Variants in RNF212B observed in about 807,000 individuals in gnomAD.
RNF212B encodes E3 ubiquitin-protein ligase RNF212B.
In RNF212B, 52 loss-of-function variants were observed where a neutral mutation model predicts 55.5. The observed-to-expected ratio is 0.94, with a 90% CI of 0.75 to 1.18. The LOEUF (loss-of-function observed/expected upper bound fraction) is 1.18, where lower values mean the gene tolerates loss of function less well. RNF212B is among the 50% of genes most tolerant of loss of function. The probability of loss-of-function intolerance (pLI) is 0.00; values close to 1 mark genes in which losing one functional copy is unlikely to be tolerated. For missense variants in RNF212B, 289 were observed against 350.4 expected (o/e 0.82, Z 1.40); for synonymous variants, 99 against 121.4 (o/e 0.82, Z 1.21).
chr14:23,221,469 T>C (rs1411098463), intron 2 of RNF212B, among the ~76,000 whole-genome samples: 2 of 152,190 alleles, frequency 1.3e-5, no homozygotes, highest in Admixed American at 1.3e-4. Flanking sequence ...ATGCACCCAA[T>C]GCTAGAGTAC....
intron 2 of RNF212B, chr14:23,229,908 T>C (rs1396909489): frequency 5.6e-6 from 1 of 177,676 alleles, no homozygotes; most frequent in Non-Finnish European, 1.2e-5. Flanking sequence ...TATGGTAAGA[T>C]GGTTATGAGC....
At chr14:23,253,692 C>A (rs939809959) in intron 4 of RNF212B, among the ~76,000 whole-genome samples, 4 of 152,056 alleles carry the variant, frequency 2.6e-5, no homozygotes, top group Admixed American at 1.3e-4. Context: ...GTCATCCTTT[C>A]TTATTTTTTT....
At chr14:23,234,674 C>T (rs569222796), upstream of RNF212B, among the ~76,000 whole-genome samples, 2 of 152,366 alleles carry the variant, frequency 1.3e-5, no homozygotes, top group South Asian at 4.1e-4. Flanking sequence ...GCACCAACAC[C>T]ACACTTTAAA....
intron 2 of RNF212B, among the ~76,000 whole-genome samples, chr14:23,221,496 A>C (rs947660728): frequency 5.3e-5 from 8 of 152,218 alleles, no homozygotes; most frequent in Non-Finnish European, 1.2e-4. Flanking sequence ...ATATAAAGCA[A>C]ATATTATTAG....
rs1399560099 is a variant in RNF212B, at chr14:23,273,439, A to G, written c.*548A>G. The G allele has an allele frequency of 6.6e-6, 1 of 152,304 alleles. No homozygotes were observed. The highest frequency in any genetic ancestry group is 2.4e-5 in the African/African-American group (1 of 41,452). The allele number at this position is 152,304 out of a possible 1,614,324, so 9.4% of individuals were successfully genotyped here. ...GACACTGATTTTCAGCTTAGTATAT[A>G]GATAGTAAAATAAAGACGATGCCCT... On this transcript the variant is annotated 3_prime_UTR_variant, in exon 15 of 15. Coordinates refer to ENST00000430154, the MANE Select transcript of RNF212B (RefSeq NM_001282322.3).
At chr14:23,204,102 C>T (rs1443103314) in intron 2 of RNF212B, among the ~76,000 whole-genome samples, 5 of 152,158 alleles carry the variant, frequency 3.3e-5, no homozygotes, top group African/African-American at 7.2e-5. Context: ...TGTTTGAGTT[C>T]GTTGTAGATT....
At chr14:23,215,973 T>G (rs1327647668) in intron 2 of RNF212B, among the ~76,000 whole-genome samples, 1 of 152,240 alleles carries the variant, frequency 6.6e-6, no homozygotes, top group Non-Finnish European at 1.5e-5. Context: ...TTGCCGGGTG[T>G]GGTGGCTCAT....
intron 2 of RNF212B, among the ~76,000 whole-genome samples, chr14:23,226,546 G>A (rs1038580887): frequency 1.3e-5 from 2 of 151,864 alleles, no homozygotes; most frequent in Non-Finnish European, 2.9e-5. Context: ...CAGGAGAATG[G>A]GGTGAACCCG....
At chr14:23,255,125 C>T (rs917215040) in intron 4 of RNF212B, among the ~76,000 whole-genome samples, 2 of 152,180 alleles carry the variant, frequency 1.3e-5, no homozygotes, top group African/African-American at 4.8e-5. Flanking sequence ...CTGCTTTACC[C>T]TTTACAAGGA....
At chr14:23,187,094 G>A (rs1322773240) in intron 1 of RNF212B, among the ~76,000 whole-genome samples, 2 of 152,156 alleles carry the variant, frequency 1.3e-5, no homozygotes, top group Non-Finnish European at 1.5e-5. Flanking sequence ...CAAGTACGTA[G>A]TACAATTCTG....
In RNF212B at chr14:23,232,278, G is replaced by A. The variant is rs1158848800; in HGVS notation, c.-1-8067G>A. ...CCGCCCCATCTGGGATGTGAGGAGC[G>A]CCTCTGCCCGGCCGCAACCCCATCT... On this transcript the variant is annotated intron_variant, in intron 2 of 15. Coordinates refer to the RNF212B transcript ENST00000399910. Among the ~76,000 whole-genome samples the A allele has an allele frequency of 6.0e-5, 9 of 151,088 alleles. No individual in the cohort carries two copies. The East Asian group carries it at 7.9e-4, about 13-fold the overall frequency.
intron 4 of RNF212B, among the ~76,000 whole-genome samples, chr14:23,246,324 T>C (rs1265480450): frequency 2.0e-5 from 3 of 152,118 alleles, no homozygotes; most frequent in Non-Finnish European, 4.4e-5. Context: ...AAGGATTCAA[T>C]AAATAATTTA....
intron 6 of RNF212B, 139 bp downstream of exon 6, chr14:23,260,083 CTA>C (rs1208237435): frequency 3.8e-6 from 2 of 530,322 alleles, no homozygotes; most frequent in Non-Finnish European, 6.6e-6. Context: ...AACAAGCACA[CTA>C]TAGTAAATGG....
In RNF212B at chr14:23,269,481, T is replaced by C. The variant is rs148190299; in HGVS notation, c.675-382T>C. Among the ~76,000 whole-genome samples the C allele has an allele frequency of 6.5e-4, 99 of 152,220 alleles. 1 individual carries two copies. The East Asian group carries it at 0.014, about 21-fold the overall frequency. ...CGGTAGTGGCTCCCACCTGTAATCC[T>C]AGCACTTCGGGAGGCTAAGGTGGGA... On this transcript the variant is annotated intron_variant, in intron 12 of 14. Transcript: ENST00000430154.
At chr14:23,221,238 A>AG (rs1172740022) in intron 2 of RNF212B, among the ~76,000 whole-genome samples, 2 of 151,860 alleles carry the variant, frequency 1.3e-5, no homozygotes, top group Non-Finnish European at 2.9e-5. Context: ...AATAGGAAAA[A>AG]AAAAAAAAAA....
At chr14:23,207,971 T>A (rs1880011963) in intron 2 of RNF212B, among the ~76,000 whole-genome samples, 2 of 152,190 alleles carry the variant, frequency 1.3e-5, no homozygotes, top group Non-Finnish European at 2.9e-5. Context: ...CATTGCATTC[T>A]TTTGAGTTTC....
At chr14:23,189,013 G>A (rs566724705) in intron 1 of RNF212B, among the ~76,000 whole-genome samples, 1 of 152,236 alleles carries the variant, frequency 6.6e-6, no homozygotes, top group East Asian at 1.9e-4. Flanking sequence ...ACAGGGGCTG[G>A]AACACAGAGA....
At chr14:23,204,173 T>G (rs1190160167) in intron 2 of RNF212B, among the ~76,000 whole-genome samples, 1 of 152,244 alleles carries the variant, frequency 6.6e-6, no homozygotes, top group Non-Finnish European at 1.5e-5. Flanking sequence ...CTCTGTGGGT[T>G]GTCTGTTTAC....
chr14:23,237,858 C>A (rs1204575755), upstream of RNF212B, among the ~76,000 whole-genome samples: 2 of 152,124 alleles, frequency 1.3e-5, no homozygotes, highest in African/African-American at 4.8e-5. Context: ...CCCGCGCACG[C>A]CACGGAGCCA....
Sources: gnomAD v4.1 joint callset for allele counts (sites outside exome capture counted in the v4.1 genomes callset) on GRCh38, gnomAD v4.1.1 for gene constraint, MANE v1.5 for transcripts, NCBI Gene and HGNC (gene_info 2026-07-23, HGNC 2026-07-21) for gene names.